FSTL5: variants seen among roughly 807,000 people sequenced by gnomAD.
The protein encoded by FSTL5 is follistatin like 5.
Under a neutral mutation model 89.1 loss-of-function variants are expected in FSTL5, and 62 were observed. That is an observed-to-expected ratio of 0.70 (90% CI 0.57 to 0.86). The LOEUF is 0.86. Among genes scored for constraint, FSTL5 ranks in the 40% least tolerant of loss-of-function variants. FSTL5 has a pLI of 0.00. For synonymous variants in FSTL5, 383 were observed against 346.2 expected, an observed-to-expected ratio of 1.11 and a Z score of -1.18; for missense variants, 1,057 against 1,001.6, an observed-to-expected ratio of 1.06 and a Z score of -0.75.
At chr4:161,980,081 G>GAAA (rs1238981862) in intron 3 of FSTL5, among the ~76,000 whole-genome samples, 10 of 120,530 alleles carry the variant, frequency 8.3e-5, no homozygotes, top group Non-Finnish European at 1.4e-4. Context: ...GAGAAAGAAA[G>GAAA]AAAGAAAAAA....
intron 15 of FSTL5, among the ~76,000 whole-genome samples, chr4:161,447,605 C>T (rs1732991039): frequency 1.3e-5 from 2 of 152,038 alleles, no homozygotes; most frequent in Non-Finnish European, 2.9e-5. Flanking sequence ...AAGCATTTTA[C>T]ACTCAACGTG....
chr4:162,108,935 C>T (rs1279290981), intron 2 of FSTL5, among the ~76,000 whole-genome samples: 1 of 151,958 alleles, frequency 6.6e-6, no homozygotes, highest in East Asian at 1.9e-4. Context: ...AAAAGTAGTT[C>T]ACATCCTAAT....
intron 7 of FSTL5, among the ~76,000 whole-genome samples, chr4:161,590,084 A>G (rs1733758294): frequency 6.6e-6 from 1 of 152,164 alleles, no homozygotes; most frequent in South Asian, 2.1e-4. Context: ...CCAAAGAAAA[A>G]TAGGTAAATT....
At chr4:161,779,770 T>TATATATAC (rs1741562407) in intron 4 of FSTL5, among the ~76,000 whole-genome samples, 1 of 10,042 alleles carries the variant, frequency 1.0e-4, no homozygotes, top group Non-Finnish European at 1.7e-4. Flanking sequence ...TATATATATA[T>TATATATAC]ATATGTATAT....
chr4:161,416,856 A>G (rs901972333), intron 15 of FSTL5, among the ~76,000 whole-genome samples: 1 of 150,470 alleles, frequency 6.6e-6, no homozygotes, highest in Admixed American at 6.7e-5. Context: ...AAAAAAAAAA[A>G]AAAAAGAAAG....
chr4:161,424,024 C>CTTTTTTTT (rs11287729), intron 15 of FSTL5, among the ~76,000 whole-genome samples: 27 of 75,374 alleles, frequency 3.6e-4, no homozygotes, highest in Non-Finnish European at 4.2e-4. Flanking sequence ...GCCCATCATT[C>CTTTTTTTT]TTTTTTTTTT....
intron 4 of FSTL5, among the ~76,000 whole-genome samples, chr4:161,844,173 C>T (rs550124029): frequency 2.6e-5 from 4 of 152,086 alleles, no homozygotes; most frequent in Non-Finnish European, 5.9e-5. Flanking sequence ...TATATGCAGC[C>T]AATAAACATA....
At chr4:162,134,720 A>T (rs1188678540) in intron 1 of FSTL5, among the ~76,000 whole-genome samples, 1 of 152,202 alleles carries the variant, frequency 6.6e-6, no homozygotes, top group African/African-American at 2.4e-5. Context: ...GAGTTGTTTT[A>T]ATAGAATGGA....
intron 14 of FSTL5, among the ~76,000 whole-genome samples, chr4:161,456,077 T>C (rs1290605784): frequency 6.6e-6 from 1 of 152,188 alleles, no homozygotes; most frequent in Non-Finnish European, 1.5e-5. Flanking sequence ...TTGAGTTCCA[T>C]CGGAATCCCT....
chr4:161,951,725 T>C (rs1269460056), intron 3 of FSTL5, among the ~76,000 whole-genome samples: 1 of 152,076 alleles, frequency 6.6e-6, no homozygotes, highest in Admixed American at 6.6e-5. Context: ...AATATCACAA[T>C]GTATTAAGAT....
chr4:161,863,747 C>T (rs1731992412), intron 4 of FSTL5, among the ~76,000 whole-genome samples: 2 of 152,158 alleles, frequency 1.3e-5, no homozygotes, highest in South Asian at 4.1e-4. Flanking sequence ...ACCTAACTTT[C>T]CCTTGACGGC....
intron 4 of FSTL5, among the ~76,000 whole-genome samples, chr4:161,778,315 A>G (rs1240657538): frequency 1.3e-5 from 2 of 152,208 alleles, no homozygotes; most frequent in Non-Finnish European, 2.9e-5. Context: ...AAAATTACAT[A>G]ATAGGTTTTA....
chr4:161,828,254 G>C (rs1049793574), intron 4 of FSTL5, among the ~76,000 whole-genome samples: 1 of 152,152 alleles, frequency 6.6e-6, no homozygotes, highest in Non-Finnish European at 1.5e-5. Context: ...GTGTGTGTCT[G>C]GGGGTGGACA....
At chr4:161,839,312 A>C (rs1731140974) in intron 4 of FSTL5, among the ~76,000 whole-genome samples, 1 of 152,148 alleles carries the variant, frequency 6.6e-6, no homozygotes, top group Non-Finnish European at 1.5e-5. Flanking sequence ...CCACAACTTA[A>C]TAATATTTAG....
At chr4:162,083,611 T>C (rs1730188731) in intron 2 of FSTL5, among the ~76,000 whole-genome samples, 2 of 151,966 alleles carry the variant, frequency 1.3e-5, no homozygotes, top group South Asian at 4.1e-4. Flanking sequence ...TGAAAATATA[T>C]AATTTTTCAA....
At chr4:161,563,066 C>T (rs570974390) in intron 8 of FSTL5, among the ~76,000 whole-genome samples, 4 of 152,096 alleles carry the variant, frequency 2.6e-5, no homozygotes, top group African/African-American at 4.8e-5. Context: ...CACATGGTGG[C>T]TGTGTCCCCG....
intron 8 of FSTL5, among the ~76,000 whole-genome samples, chr4:161,544,987 C>T (rs910807207): frequency 6.6e-6 from 1 of 151,806 alleles, no homozygotes; most frequent in African/African-American, 2.4e-5. Flanking sequence ...GTCGTAAATA[C>T]AACATTAGGC....
chr4:161,823,513 G>A (rs1394388859), intron 4 of FSTL5, among the ~76,000 whole-genome samples: 1 of 152,226 alleles, frequency 6.6e-6, no homozygotes, highest in Non-Finnish European at 1.5e-5. Flanking sequence ...ACCAGAGCAG[G>A]TGCTGGCAAT....
chr4:161,779,789 A>ATGTATG (rs1553965259), intron 4 of FSTL5, among the ~76,000 whole-genome samples: 1 of 51,076 alleles, frequency 2.0e-5, no homozygotes, highest in Non-Finnish European at 3.1e-5. Flanking sequence ...ATATATATAT[A>ATGTATG]TATATATATA....
Sources: allele counts gnomAD v4.1 joint callset (sites outside exome capture counted in the v4.1 genomes callset), GRCh38; gene constraint gnomAD v4.1.1; transcripts MANE v1.5; gene names NCBI Gene and HGNC (gene_info 2026-07-23, HGNC 2026-07-21).